The following KDM5A variants were observed in gnomAD, a reference collection of about 807,000 sequenced individuals.
The protein encoded by KDM5A is lysine-specific demethylase 5A.
A neutral mutation model predicts 193.5 loss-of-function variants in KDM5A; 42 were observed. The ratio of observed to expected loss-of-function variants is 0.22; its 90% confidence interval spans 0.17 to 0.28. The LOEUF (loss-of-function observed/expected upper bound fraction) is 0.28, where lower values mean the gene tolerates loss of function less well. Among genes scored for constraint, KDM5A ranks in the 10% least tolerant of loss-of-function variants. The pLI is 1.00. For synonymous variants in KDM5A, 796 were observed against 718.1 expected, an observed-to-expected ratio of 1.11 and a Z score of -1.73; for missense variants, 1,692 against 2,055.1, an observed-to-expected ratio of 0.82 and a Z score of 3.42.
chr12:322,338 C>T lies in KDM5A; in HGVS notation c.2426+79G>A, dbSNP rs148859254. On this transcript the variant is annotated intron_variant, in intron 17 of 27. Coordinates refer to ENST00000399788, the MANE Select transcript of KDM5A (RefSeq NM_001042603.3). The stretch of plus-strand genomic sequence containing the variant: ...AGAGGTCAAAGATAATGTACGGCTT[C>T]ACAGGCCGGATAAAATTTTGGTTTT... The T allele has an allele frequency of 4.7e-3, 6,403 of 1,363,098 alleles. 23 individuals are homozygous for T. Among genetic ancestry groups the T allele is most frequent in the Non-Finnish European group, 5.9e-3 (5,764 of 974,648 alleles). The allele number at this position is 1,363,098 out of a possible 1,614,324, so 84.4% of individuals were successfully genotyped here.
chr12:325,502 C>CT (rs1195143050), intron 14 of KDM5A, among the ~76,000 whole-genome samples: 1 of 141,774 alleles, frequency 7.1e-6, no homozygotes, highest in Non-Finnish European at 1.5e-5. Context: ...GATGGTGAAA[C>CT]TTTGTCATTA....
intron 27 of KDM5A, among the ~76,000 whole-genome samples, chr12:287,257 A>G (rs1323852504): frequency 6.6e-6 from 1 of 152,164 alleles, no homozygotes; most frequent in African/African-American, 2.4e-5. Context: ...CTATGAACTC[A>G]GAATATCTGG....
chr12:302,771 T>G (rs149139974), intron 24 of KDM5A, among the ~76,000 whole-genome samples: 2,667 of 152,250 alleles, frequency 0.018, 106 homozygotes, highest in South Asian at 0.16. Context: ...CATCTATCCA[T>G]CTGACAAAGG....
intron 27 of KDM5A, among the ~76,000 whole-genome samples, chr12:287,122 TA>T (rs1239308098): frequency 6.6e-6 from 1 of 152,196 alleles, no homozygotes; most frequent in African/African-American, 2.4e-5. Flanking sequence ...CTCATTACCC[TA>T]CACTACACAA....
Position 318,371 on chromosome 12 carries a change from T to C in KDM5A, c.2632A>G (p.Ile878Val), listed in dbSNP as rs534326124. Residue 878 changes from isoleucine (I) to valine (V), a missense_variant, in exon 19 of 28, where the codon ATA becomes GTA. By Grantham distance (29) the Ile-to-Val change is conservative. Coordinates refer to ENST00000399788, the MANE Select transcript of KDM5A (RefSeq NM_001042603.3). ...TPDSSKLQML[I>V]DMGSSLYVEL... Reference sequence around the variant, plus strand: ...ACATAGAGACTAGAGCCCATATCTATCAACATCTGGAGTTTGGAAGAATCT... The same window carrying C: ...ACATAGAGACTAGAGCCCATATCTACCAACATCTGGAGTTTGGAAGAATCT... 80 of 1,614,068 alleles carry C rather than the reference T, an allele frequency of 5.0e-5. No homozygotes were observed. The highest frequency in any genetic ancestry group is 6.7e-5 in the Non-Finnish European group (79 of 1,180,020).
chr12:325,967 T>C (rs1406757885), intron 14 of KDM5A, among the ~76,000 whole-genome samples: 4 of 152,166 alleles, frequency 2.6e-5, no homozygotes, highest in Non-Finnish European at 5.9e-5. Context: ...TAAGCTGAGA[T>C]CGTGCAACTG....
Position 355,279 on chromosome 12 carries a change from A to G in KDM5A, c.779-30T>C, listed in dbSNP as rs748567048. On this transcript the variant is annotated intron_variant, in intron 6 of 27. Coordinates refer to ENST00000399788, the MANE Select transcript of KDM5A (RefSeq NM_001042603.3). Reference sequence around the variant, plus strand: ...AAATAAAAAGTTACACAATAATAGTAAAAACCAATGTTGAGAGCTTACTAT... The same window carrying G: ...AAATAAAAAGTTACACAATAATAGTGAAAACCAATGTTGAGAGCTTACTAT... 4 of 1,267,894 alleles carry G rather than the reference A, an allele frequency of 3.2e-6. No homozygotes were observed. The East Asian group carries it at 9.2e-5, about 29-fold the overall frequency. 78.5% of individuals were successfully genotyped at this position (1,267,894 alleles called of 1,614,324 possible). A position where few individuals can be genotyped will look rare whatever the true frequency, so the allele number is the denominator to read the frequency against.
chr12:291,322 C>T (rs1391883551), intron 27 of KDM5A, among the ~76,000 whole-genome samples: 1 of 152,172 alleles, frequency 6.6e-6, no homozygotes, highest in African/African-American at 2.4e-5. Context: ...ACCCCTAATA[C>T]ATCTCATTTA....
chr12:385,972 G>A lies in KDM5A; in HGVS notation c.168C>T (p.Asp56=), dbSNP rs749898958. 6.2e-7 allele frequency: 1 copy of A among 1,612,226 alleles called. No individual in the cohort carries two copies. The highest frequency in any genetic ancestry group is 8.5e-7 in the Non-Finnish European group (1 of 1,178,396). Residue 56 remains aspartate (D), a splice_region_variant and synonymous_variant, in exon 2 of 28, where the codon GAC becomes GAT. Transcript: ENST00000399788. ...TGICKIRPPK[D]WQPPFACEVK... ...CTTCACAGGCAAATGGAGGCTGCCA[G>A]TCCTAAATAGAAAGATTTTTTTAAA... is the stretch of plus-strand genomic sequence containing the variant.
chr12:318,078 G>C (rs761415876), intron 19 of KDM5A, 28 bp downstream of exon 19: 1 of 1,514,602 alleles, frequency 6.6e-7, no homozygotes, highest in Non-Finnish European at 9.2e-7. Flanking sequence ...AGTTGTTAAA[G>C]AGGCAACTGT....
chr12:388,332 T>G (rs1333287387), intron 1 of KDM5A: 2 of 455,148 alleles, frequency 4.4e-6, no homozygotes, highest in Non-Finnish European at 8.8e-6. Flanking sequence ...CGTCAAGAGA[T>G]TTCAACATTT....
rs3213750 is a variant in KDM5A at position 323,488 on chromosome 12, T to A, written c.2150+112A>T. ...GGTCTTCAAGCCTAGAAGTAGACAGTGAAGTTTAGAAGTCCAGAGTAAAGG... is the reference window on the plus strand; with the variant it reads ...GGTCTTCAAGCCTAGAAGTAGACAGAGAAGTTTAGAAGTCCAGAGTAAAGG... On this transcript the variant is annotated intron_variant, in intron 15 of 27. Transcript: ENST00000399788. 0.32 allele frequency: 359,435 copies of A among 1,130,556 alleles called. 60,629 individuals are homozygous for A. Among genetic ancestry groups the A allele is most frequent in the East Asian group, 0.59 (24,933 of 42,372 alleles). 70.0% of individuals were successfully genotyped at this position (1,130,556 alleles called of 1,614,324 possible). A position where few individuals can be genotyped will look rare whatever the true frequency, so the allele number is the denominator to read the frequency against.
Position 333,555 on chromosome 12 carries a change from G to A in KDM5A, c.1585C>T (p.Gln529Ter). ...ACTAACTGATGCAGAAGATCAGGCT[G>A]GGATTCAAATAACTCGGGGGCCAGC... ...RELAPELFES[Q>*]PDLLHQLVTI... is the part of the protein sequence containing the mutation. The change falls in exon 12 of 28, where the codon CAG becomes TAG. Residue 529 changes from glutamine (Q) to a stop codon, truncating the protein, a stop_gained. Coordinates refer to ENST00000399788, the MANE Select transcript of KDM5A (RefSeq NM_001042603.3). LOFTEE classifies it high-confidence loss of function. 6.2e-7 allele frequency: 1 copy of A among 1,614,158 alleles called. No individual in the cohort carries two copies. The highest frequency in any genetic ancestry group is 8.5e-7 in the Non-Finnish European group (1 of 1,180,022).
intron 13 of KDM5A, 122 bp downstream of exon 13, chr12:331,697 G>A: frequency 1.0e-6 from 1 of 984,786 alleles, no homozygotes; most frequent in Non-Finnish European, 1.6e-6. Context: ...AGCCACTCCA[G>A]TCTCCACTAA....
intron 10 of KDM5A, among the ~76,000 whole-genome samples, chr12:343,284 G>C (rs116199814): frequency 0.016 from 2,366 of 152,246 alleles, 37 homozygotes; most frequent in African/African-American, 0.032. Context: ...GCTCAAACTG[G>C]GTGGAGCCCA....
intron 3 of KDM5A, among the ~76,000 whole-genome samples, chr12:372,386 T>C (rs1944439700): frequency 6.6e-6 from 1 of 152,222 alleles, no homozygotes. Context: ...TCACTCATGA[T>C]TTGGCTCTCT....
At position 351,273 on chromosome 12, in the gene KDM5A, T is replaced by C. The variant is rs144562746; in HGVS notation, c.1150-494A>G. ...CCCTTCCTGTGTCCGTGTGTTCTCA[T>C]TGTTCACCTCCCACTTATGAGTGAG... On this transcript the variant is annotated intron_variant, in intron 9 of 27. Coordinates refer to ENST00000399788, the MANE Select transcript of KDM5A (RefSeq NM_001042603.3). 4.3e-4 allele frequency among the ~76,000 whole-genome samples: 65 copies of C among 152,244 alleles called. No homozygotes were observed. The East Asian group carries it at 6.2e-3, about 14-fold the overall frequency.
chr12:350,710 C>T lies in KDM5A; in HGVS notation c.1219G>A (p.Val407Met). ...GAGGAGATATCTGCTCCATATTCCACAATAACATCTTCTTCAATGCTGCTT... is the reference window on the plus strand; with the variant it reads ...GAGGAGATATCTGCTCCATATTCCATAATAACATCTTCTTCAATGCTGCTT... ...LVSSIEEDVI[V>M]EYGADISSKD... The change falls in exon 10 of 28, where the codon GTG becomes ATG. Residue 407 changes from valine to methionine, a missense_variant. Val to Met is a conservative substitution (Grantham distance 21). Transcript: ENST00000399788. 6.2e-7 allele frequency: 1 copy of T among 1,614,046 alleles called. No individual in the cohort carries two copies. Among genetic ancestry groups the T allele is most frequent in the Non-Finnish European group, 8.5e-7 (1 of 1,179,940 alleles).
intron 9 of KDM5A, 47 bp from the exon 10 acceptor site, chr12:350,826 A>G (rs1374439372): frequency 1.3e-6 from 2 of 1,491,918 alleles, no homozygotes; most frequent in South Asian, 1.1e-5. Flanking sequence ...CACTATAACT[A>G]TAACCCATAT....
Sources: gnomAD v4.1 joint callset for allele counts (sites outside exome capture counted in the v4.1 genomes callset) on GRCh38, gnomAD v4.1.1 for gene constraint, MANE v1.5 for transcripts, NCBI Gene and HGNC (gene_info 2026-07-23, HGNC 2026-07-21) for gene names.